The following DNAH11 variants were observed in gnomAD, a reference collection of about 807,000 sequenced individuals.
DNAH11 encodes dynein axonemal heavy chain 11.
Under a neutral mutation model 526.0 loss-of-function variants are expected in DNAH11, and 442 were observed. That is an observed-to-expected ratio of 0.84 (90% CI 0.78 to 0.91). The LOEUF is 0.91. DNAH11 is among the 40% of genes least tolerant of loss of function. DNAH11 has a pLI of 0.00. For synonymous variants in DNAH11, 2,461 were observed against 1,935.9 expected (o/e 1.27, Z -7.12); for missense variants, 6,989 against 5,448.7 (o/e 1.28, Z -8.90).
chr7:21,676,844 A>G (rs944814202), intron 30 of DNAH11, among the ~76,000 whole-genome samples: 2 of 152,262 alleles, frequency 1.3e-5, no homozygotes, highest in Non-Finnish European at 2.9e-5. Context: ...ATGAGAAAAT[A>G]TCCAAGGCCT....
chr7:21,739,381 G>T (rs1165598979), intron 47 of DNAH11, among the ~76,000 whole-genome samples, 190 bp from the exon 48 acceptor site: 1 of 152,154 alleles, frequency 6.6e-6, no homozygotes, highest in Admixed American at 6.5e-5. Context: ...GTCATCAAAT[G>T]AGCTAAGTCA....
intron 30 of DNAH11, among the ~76,000 whole-genome samples, chr7:21,670,522 C>G (rs555060111): frequency 6.6e-6 from 1 of 151,982 alleles, no homozygotes; most frequent in South Asian, 2.1e-4. Context: ...TCTTTTTGTT[C>G]TTTATTTCCT....
At chr7:21,840,008 TA>T (rs1021968190) in intron 65 of DNAH11, among the ~76,000 whole-genome samples, 1 of 152,204 alleles carries the variant, frequency 6.6e-6, no homozygotes, top group African/African-American at 2.4e-5. Flanking sequence ...GTTGTCTCAT[TA>T]AAAATGTTTC....
intron 65 of DNAH11, among the ~76,000 whole-genome samples, chr7:21,841,854 C>A (rs1228630912): frequency 2.0e-5 from 3 of 152,198 alleles, no homozygotes; most frequent in African/African-American, 7.2e-5. Flanking sequence ...CCTGCCAGAT[C>A]TGTCATTGCT....
At chr7:21,817,402 C>T (rs1468680438) in intron 64 of DNAH11, among the ~76,000 whole-genome samples, 1 of 151,216 alleles carries the variant, frequency 6.6e-6, no homozygotes, top group Non-Finnish European at 1.5e-5. Context: ...GTTCTTAGGC[C>T]AGGTACAGTA....
At chr7:21,881,748 T>G (rs1283895434) in intron 75 of DNAH11, among the ~76,000 whole-genome samples, 1 of 152,220 alleles carries the variant, frequency 6.6e-6, no homozygotes, top group Non-Finnish European at 1.5e-5. Flanking sequence ...CAGTAATGAT[T>G]GTTATAACTT....
chr7:21,768,257 A>G (rs1787267437), intron 55 of DNAH11, among the ~76,000 whole-genome samples: 1 of 152,212 alleles, frequency 6.6e-6, no homozygotes, highest in South Asian at 2.1e-4. Context: ...ACAGTGTTGG[A>G]AAGGCTGTGA....
chr7:21,835,158 C>G (rs77569593), intron 65 of DNAH11, among the ~76,000 whole-genome samples: 34 of 149,198 alleles, frequency 2.3e-4, no homozygotes, highest in Non-Finnish European at 4.0e-4. Context: ...GGACCTGATG[C>G]ATTTACTGCA....
chr7:21,702,219 G>T (rs1198366976), intron 36 of DNAH11, among the ~76,000 whole-genome samples: 1 of 152,084 alleles, frequency 6.6e-6, no homozygotes, highest in African/African-American at 2.4e-5. Context: ...TTAATGACAT[G>T]GTTTTTATTA....
At chr7:21,676,155 T>A (rs114780796) in intron 30 of DNAH11, among the ~76,000 whole-genome samples, 6,972 of 152,228 alleles carry the variant, frequency 0.046, 196 homozygotes, top group African/African-American at 0.071. Context: ...TTACTCTAAG[T>A]TGGGCTTATT....
intron 25 of DNAH11, among the ~76,000 whole-genome samples, chr7:21,628,353 A>T (rs917747220): frequency 1.3e-5 from 2 of 152,086 alleles, no homozygotes; most frequent in African/African-American, 4.8e-5. Context: ...GAAAATGGGT[A>T]TCTTGTCTTG....
At chr7:21,811,296 C>CG (rs200382264) in intron 63 of DNAH11, among the ~76,000 whole-genome samples, 1 of 151,272 alleles carries the variant, frequency 6.6e-6, no homozygotes, top group South Asian at 2.1e-4. Context: ...AACCCCCCCC[C>CG]CTACTAAAAA....
In DNAH11 at chr7:21,808,245, A is replaced by T. The variant is rs570152182; in HGVS notation, c.10332+196A>T. Among the ~76,000 whole-genome samples, 21 of 152,304 alleles carry T rather than the reference A, an allele frequency of 1.4e-4. No homozygotes were observed. In the South Asian group the frequency reaches 3.9e-3, roughly 29 times the overall value. On this transcript the variant is annotated intron_variant, in intron 63 of 81. Transcript: ENST00000409508. ...TCATAATAAATATTTCATTATTTTT[A>T]AAAATGTTTTTATTGATCTATAATA... is the stretch of plus-strand genomic sequence containing the variant.
intron 40 of DNAH11, among the ~76,000 whole-genome samples, chr7:21,708,487 T>G (rs1159858749): frequency 6.6e-6 from 1 of 152,220 alleles, no homozygotes; most frequent in East Asian, 1.9e-4. Context: ...CCTGCTGGTT[T>G]CCCTGCAGTT....
chr7:21,693,403 T>G (rs1464760351), intron 35 of DNAH11, among the ~76,000 whole-genome samples: 1 of 152,234 alleles, frequency 6.6e-6, no homozygotes, highest in Non-Finnish European at 1.5e-5. Flanking sequence ...TTTAAAAATC[T>G]ATGCCATGAG....
chr7:21,724,663 C>T (rs1322006852), intron 44 of DNAH11, among the ~76,000 whole-genome samples: 2 of 150,786 alleles, frequency 1.3e-5, no homozygotes, highest in African/African-American at 4.9e-5. Flanking sequence ...GCCAGGTCAT[C>T]CTATGAATAT....
In DNAH11 at chr7:21,581,954, A is replaced by T. The variant is rs374191991; in HGVS notation, c.1643A>T (p.Asp548Val). ...VAFKSKTLEFDRRLGTIICEA... is the reference protein window; with the variant it reads ...VAFKSKTLEFVRRLGTIICEA... ...TTTAAGTCCAAAACTCTGGAATTTG[A>T]CAGAAGGCTTGGGACAATTATTTGT... The change falls in exon 9 of 82, where the codon GAC becomes GTC. Residue 548 changes from aspartate to valine, a missense_variant. Asp to Val is a radical substitution (Grantham distance 152). Transcript: ENST00000409508. The T allele has an allele frequency of 3.3e-5, 53 of 1,613,314 alleles. No homozygotes were observed. The African/African-American group carries it at 6.3e-4, about 19-fold the overall frequency.
intron 76 of DNAH11, among the ~76,000 whole-genome samples, chr7:21,890,419 G>A (rs1019342970): frequency 6.6e-6 from 1 of 152,214 alleles, no homozygotes; most frequent in Non-Finnish European, 1.5e-5. Flanking sequence ...CCCCATGGCA[G>A]CTTAACCTTT....
At chr7:21,855,430 AAAAT>A (rs1450343424) in intron 68 of DNAH11, among the ~76,000 whole-genome samples, 1 of 152,244 alleles carries the variant, frequency 6.6e-6, no homozygotes, top group Non-Finnish European at 1.5e-5. Flanking sequence ...TAAAGAAAGA[AAAAT>A]AATAAGAACA....
Sources: allele counts gnomAD v4.1 joint callset (sites outside exome capture counted in the v4.1 genomes callset), GRCh38; gene constraint gnomAD v4.1.1; transcripts MANE v1.5; gene names NCBI Gene and HGNC (gene_info 2026-07-23, HGNC 2026-07-21).